Variants in RAB7A observed in about 807,000 individuals in gnomAD.
The protein encoded by RAB7A is ras-related protein Rab-7a.
RAB7A carries 2 observed loss-of-function variants against 24.5 expected under a neutral mutation model. That is an observed-to-expected ratio of 0.08 (90% CI 0.03 to 0.26). The LOEUF is 0.26. RAB7A is among the 10% of genes least tolerant of loss of function. The pLI, the probability that RAB7A is intolerant of heterozygous loss-of-function variation, is 1.00. For synonymous variants in RAB7A, 100 were observed against 95.9 expected (o/e 1.04, Z -0.25); for missense variants, 118 against 255.7 (o/e 0.46, Z 3.67).
chr3:128,737,825 G>GTTTTCTT (rs2070506296), intron 1 of RAB7A, among the ~76,000 whole-genome samples: 1 of 59,482 alleles, frequency 1.7e-5, no homozygotes, highest in Non-Finnish European at 3.0e-5. Flanking sequence ...TTTTTTTGTA[G>GTTTTCTT]TTTTTTTTTT....
intron 1 of RAB7A, among the ~76,000 whole-genome samples, chr3:128,733,926 A>T (rs1225534428): frequency 3.3e-5 from 5 of 152,188 alleles, no homozygotes; most frequent in Admixed American, 2.0e-4. Context: ...AAGAAGTCCA[A>T]ATATTCCACA....
intron 2 of RAB7A, among the ~76,000 whole-genome samples, chr3:128,796,836 G>C (rs964593251): frequency 2.0e-5 from 3 of 152,016 alleles, no homozygotes; most frequent in African/African-American, 7.2e-5. Flanking sequence ...TTAAATTTTT[G>C]TATTTTTTAT....
chr3:128,732,699 A>G (rs934297746), intron 1 of RAB7A, among the ~76,000 whole-genome samples: 30 of 152,238 alleles, frequency 2.0e-4, no homozygotes, highest in African/African-American at 7.0e-4. Flanking sequence ...GTGTGGTGGT[A>G]CACTTGTGGT....
intron 2 of RAB7A, among the ~76,000 whole-genome samples, chr3:128,795,795 A>G (rs1358095542): frequency 1.0e-5 from 1 of 98,170 alleles, no homozygotes; most frequent in Non-Finnish European, 1.9e-5. Flanking sequence ...TCTGTCGCCC[A>G]GGCTGGAGTG....
chr3:128,797,853 A>G, intron 2 of RAB7A, 90 bp from the exon 3 acceptor site: 1 of 1,479,952 alleles, frequency 6.8e-7, no homozygotes, highest in Non-Finnish European at 9.4e-7. Context: ...CCTTCAGGTC[A>G]GGCAGATTCT....
chr3:128,799,557 C>A (rs1933653887), intron 3 of RAB7A, among the ~76,000 whole-genome samples: 1 of 152,198 alleles, frequency 6.6e-6, no homozygotes, highest in Non-Finnish European at 1.5e-5. Context: ...CGAGCCATGG[C>A]ATGCTCCTAG....
intron 5 of RAB7A, among the ~76,000 whole-genome samples, chr3:128,810,812 G>A (rs573267293): frequency 1.3e-5 from 2 of 152,242 alleles, no homozygotes; most frequent in Admixed American, 1.3e-4. Context: ...CCAGCACTTC[G>A]GGAGGCTGAG....
intron 1 of RAB7A, among the ~76,000 whole-genome samples, chr3:128,770,466 C>A (rs1228244780): frequency 2.6e-5 from 4 of 152,158 alleles, no homozygotes; most frequent in Admixed American, 6.5e-5. Context: ...AACCCAAGAT[C>A]TGACAGTCTT....
At chr3:128,803,696 A>C (rs1039925974) in intron 3 of RAB7A, among the ~76,000 whole-genome samples, 3 of 152,212 alleles carry the variant, frequency 2.0e-5, no homozygotes, top group Non-Finnish European at 4.4e-5. Flanking sequence ...AAGCAGTGGA[A>C]TATTATATAA....
At chr3:128,809,936 C>CT (rs869119619) in intron 5 of RAB7A, among the ~76,000 whole-genome samples, 1,298 of 52,208 alleles carry the variant, frequency 0.025, 303 homozygotes, top group Non-Finnish European at 0.034. Context: ...TTGCCACAGT[C>CT]TTTTTTTTTT....
intron 1 of RAB7A, chr3:128,764,788 C>T: frequency 1.2e-5 from 10 of 857,742 alleles, no homozygotes; most frequent in Non-Finnish European, 1.8e-5. Context: ...TTGGCCACCA[C>T]GATAGTTTTG....
intron 1 of RAB7A, among the ~76,000 whole-genome samples, chr3:128,729,616 G>T (rs1425149731): frequency 6.7e-6 from 1 of 149,930 alleles, no homozygotes. Flanking sequence ...CACTAATAAC[G>T]TTTTTGCTCT....
In RAB7A at chr3:128,814,313, T is replaced by C. The variant is rs1225600595; in HGVS notation, c.*891T>C. On this transcript the variant is annotated 3_prime_UTR_variant, in exon 6 of 6. Transcript: ENST00000265062. ...GGGGGAAAACTGTCTAGTTCCCTTC[T>C]GTGTCTAAATTTTCCAAAACGTTGA... 1 of 152,776 alleles carries C rather than the reference T, an allele frequency of 6.5e-6. No homozygotes were observed. The highest frequency in any genetic ancestry group is 1.9e-4 in the East Asian group (1 of 5,200). The allele number at this position is 152,776 out of a possible 1,614,324, so 9.5% of individuals were successfully genotyped here. A position where few individuals can be genotyped will look rare whatever the true frequency, so the allele number is the denominator to read the frequency against.
intron 1 of RAB7A, among the ~76,000 whole-genome samples, chr3:128,732,144 A>G (rs1339807751): frequency 2.0e-5 from 3 of 150,336 alleles, no homozygotes; most frequent in Admixed American, 6.6e-5. Flanking sequence ...GGTTCAAGCA[A>G]TTCTCCTGCC....
At chr3:128,796,323 G>T (rs768884103) in intron 2 of RAB7A, among the ~76,000 whole-genome samples, 4 of 151,804 alleles carry the variant, frequency 2.6e-5, no homozygotes, top group Admixed American at 6.6e-5. Flanking sequence ...GCCAGGTGCC[G>T]TACCTGTAGT....
chr3:128,763,628 T>A (rs1456598736), intron 1 of RAB7A, among the ~76,000 whole-genome samples: 1 of 152,156 alleles, frequency 6.6e-6, no homozygotes, highest in African/African-American at 2.4e-5. Context: ...CACAGCCATA[T>A]CACTGCATTG....
In RAB7A at chr3:128,756,685, T is replaced by A. The variant is rs114732367; in HGVS notation, c.-9+30326T>A. On this transcript the variant is annotated intron_variant, in intron 1 of 5. Coordinates refer to ENST00000265062, the MANE Select transcript of RAB7A (RefSeq NM_004637.6). ...CATGGATACAGAAAATCATGGGATC[T>A]CCAGTAGCCAAAATAATCTTGAAAA... 2.6e-3 allele frequency among the ~76,000 whole-genome samples: 393 copies of A among 152,212 alleles called. 6 individuals are homozygous for A. Among genetic ancestry groups the A allele is most frequent in the African/African-American group, 8.6e-3 (356 of 41,524 alleles).
intron 3 of RAB7A, chr3:128,798,842 A>G: frequency 3.9e-6 from 1 of 258,168 alleles, no homozygotes; most frequent in Non-Finnish European, 7.4e-6. Context: ...AAAAAAAAAA[A>G]AAAGAATCCC....
intron 4 of RAB7A, 64 bp downstream of exon 4, chr3:128,806,654 G>A: frequency 6.8e-7 from 1 of 1,480,266 alleles, no homozygotes; most frequent in South Asian, 1.2e-5. Flanking sequence ...TGTGAATTTG[G>A]AGGGTTCTCT....
Sources: gnomAD v4.1 joint callset for allele counts (sites outside exome capture counted in the v4.1 genomes callset) on GRCh38, gnomAD v4.1.1 for gene constraint, MANE v1.5 for transcripts, NCBI Gene and HGNC (gene_info 2026-07-23, HGNC 2026-07-21) for gene names.